JAZF1: variants seen among roughly 807,000 people sequenced by gnomAD.
The protein encoded by JAZF1 is JAZF zinc finger 1, also known as juxtaposed with another zinc finger protein 1.
A neutral mutation model predicts 26.4 loss-of-function variants in JAZF1; 8 were observed. The ratio of observed to expected loss-of-function variants is 0.30; its 90% CI spans 0.18 to 0.55. The LOEUF is 0.55. JAZF1 is among the 20% of genes least tolerant of loss of function. JAZF1 has a pLI of 0.94. For synonymous variants in JAZF1, 126 were observed against 122.3 expected (o/e 1.03, Z -0.20); for missense variants, 199 against 322.0 (o/e 0.62, Z 2.92).
At chr7:28,086,299 G>T (rs1043747047) in intron 1 of JAZF1, among the ~76,000 whole-genome samples, 5 of 152,184 alleles carry the variant, frequency 3.3e-5, no homozygotes, top group Non-Finnish European at 7.3e-5. Context: ...CAGCTGAGCT[G>T]GGTACTCATA....
At chr7:27,913,554 G>A (rs1784397584) in intron 2 of JAZF1, 1 of 263,506 alleles carries the variant, frequency 3.8e-6, no homozygotes, top group Non-Finnish European at 8.0e-6. Context: ...TGCAGGAGGA[G>A]TGGAAACCCC....
intron 3 of JAZF1, among the ~76,000 whole-genome samples, chr7:27,865,651 ATGT>A (rs1285154330): frequency 6.6e-6 from 1 of 152,068 alleles, no homozygotes; most frequent in Non-Finnish European, 1.5e-5. Context: ...CATCGACAAG[ATGT>A]TGTGTTAGCT....
At chr7:28,151,524 G>A (rs1331639462) in intron 1 of JAZF1, among the ~76,000 whole-genome samples, 1 of 151,960 alleles carries the variant, frequency 6.6e-6, no homozygotes, top group African/African-American at 2.4e-5. Context: ...GATGAGGCCA[G>A]GCACGGTGGC....
intron 1 of JAZF1, among the ~76,000 whole-genome samples, chr7:28,131,722 G>A (rs977751569): frequency 6.6e-6 from 1 of 152,104 alleles, no homozygotes; most frequent in African/African-American, 2.4e-5. Flanking sequence ...TTTGCATAGA[G>A]TTTTGCTACC....
intron 2 of JAZF1, among the ~76,000 whole-genome samples, chr7:27,912,489 G>C (rs1191711289): frequency 6.6e-6 from 1 of 152,074 alleles, no homozygotes; most frequent in Non-Finnish European, 1.5e-5. Flanking sequence ...CGAACGATAG[G>C]AGTCCGAAAC....
chr7:28,169,693 T>C (rs1399869847), intron 1 of JAZF1, among the ~76,000 whole-genome samples: 1 of 152,232 alleles, frequency 6.6e-6, no homozygotes, highest in East Asian at 1.9e-4. Context: ...CTTCATGTGA[T>C]GTTTGATACC....
intron 1 of JAZF1, among the ~76,000 whole-genome samples, chr7:28,148,680 C>T (rs1055164962): frequency 1.3e-5 from 2 of 152,180 alleles, no homozygotes; most frequent in African/African-American, 2.4e-5. Context: ...ATTTGAAACA[C>T]ATTTACCAAG....
At chr7:28,012,461 CCT>C (rs1782814348) in intron 1 of JAZF1, among the ~76,000 whole-genome samples, 3 of 152,130 alleles carry the variant, frequency 2.0e-5, no homozygotes, top group South Asian at 4.1e-4. Flanking sequence ...CCAAAAAACC[CCT>C]CTTAAAGGAT....
In JAZF1 at chr7:27,894,885, G is replaced by A. The variant is rs144390123; in HGVS notation, c.385+335C>T. On this transcript the variant is annotated intron_variant, in intron 3 of 4. Coordinates refer to ENST00000283928, the MANE Select transcript of JAZF1 (RefSeq NM_175061.4). ...TTTTAACTGTTTTACAAGAGAAAAC[G>A]TTCATAATATATTTAGTTGTAAATC... 3.4e-4 allele frequency among the ~76,000 whole-genome samples: 52 copies of A among 152,204 alleles called. No homozygotes were observed. In the East Asian group the frequency reaches 6.7e-3, roughly 20 times the overall value.
intron 3 of JAZF1, among the ~76,000 whole-genome samples, chr7:27,853,447 G>A (rs1203061038): frequency 6.6e-6 from 1 of 152,092 alleles, no homozygotes; most frequent in African/African-American, 2.4e-5. Context: ...CTATCTGAGT[G>A]AGCGTGTGGG....
intron 1 of JAZF1, among the ~76,000 whole-genome samples, chr7:28,149,058 C>T (rs1484865564): frequency 6.6e-6 from 1 of 152,146 alleles, no homozygotes; most frequent in African/African-American, 2.4e-5. Context: ...GCAAAAATAA[C>T]TCTTTGTCTC....
intron 1 of JAZF1, among the ~76,000 whole-genome samples, chr7:27,996,279 C>T (rs962686908): frequency 1.3e-5 from 2 of 152,160 alleles, no homozygotes; most frequent in African/African-American, 4.8e-5. Flanking sequence ...CTAGGGAGGC[C>T]TCTAAGGGCA....
At chr7:28,084,863 G>A (rs2127918168) in intron 1 of JAZF1, among the ~76,000 whole-genome samples, 1 of 152,332 alleles carries the variant, frequency 6.6e-6, no homozygotes, top group African/African-American at 2.4e-5. Flanking sequence ...GCAGTATTGA[G>A]AGGTGGGGCC....
intron 1 of JAZF1, among the ~76,000 whole-genome samples, chr7:28,047,132 C>T (rs1337218087): frequency 1.3e-5 from 2 of 152,062 alleles, no homozygotes; most frequent in African/African-American, 4.8e-5. Flanking sequence ...AAGAGATTGC[C>T]AGTTGACTCA....
intron 2 of JAZF1, among the ~76,000 whole-genome samples, chr7:27,936,036 T>C (rs533892551): frequency 6.6e-6 from 1 of 152,310 alleles, no homozygotes; most frequent in African/African-American, 2.4e-5. Flanking sequence ...CCGCTTTCCA[T>C]GCCACCTCCC....
chr7:28,137,533 G>A (rs1782903590), intron 1 of JAZF1, among the ~76,000 whole-genome samples: 1 of 152,170 alleles, frequency 6.6e-6, no homozygotes, highest in Non-Finnish European at 1.5e-5. Flanking sequence ...CTCCTTAACA[G>A]CATTTATCAC....
chr7:27,889,870 T>A (rs888818250), intron 3 of JAZF1, among the ~76,000 whole-genome samples: 1 of 151,704 alleles, frequency 6.6e-6, no homozygotes, highest in Non-Finnish European at 1.5e-5. Context: ...AAGGTGGAGG[T>A]TGCAGTGAGC....
chr7:28,107,948 C>T (rs1424173405), intron 1 of JAZF1, among the ~76,000 whole-genome samples: 2 of 152,196 alleles, frequency 1.3e-5, no homozygotes, highest in South Asian at 2.1e-4. Flanking sequence ...CACCCAGGCA[C>T]GCCTCACTTC....
chr7:28,071,063 G>C (rs1783967776), intron 1 of JAZF1, among the ~76,000 whole-genome samples: 1 of 152,184 alleles, frequency 6.6e-6, no homozygotes. Context: ...AAGATAAACA[G>C]AGTATTCCTA....
Sources: gnomAD v4.1 joint callset for allele counts (sites outside exome capture counted in the v4.1 genomes callset) on GRCh38, gnomAD v4.1.1 for gene constraint, MANE v1.5 for transcripts, NCBI Gene and HGNC (gene_info 2026-07-23, HGNC 2026-07-21) for gene names.